DLG5: variants seen among roughly 807,000 people sequenced by gnomAD.
The protein encoded by DLG5 is disks large homolog 5.
Under a neutral mutation model 189.8 loss-of-function variants are expected in DLG5, and 48 were observed. That is an observed-to-expected ratio of 0.25 (90% CI 0.20 to 0.32). DLG5 has a LOEUF of 0.32. Ranked by LOEUF, DLG5 falls within the 10% of genes least tolerant of loss-of-function variation. The pLI is 1.00. For missense variants in DLG5, 2,160 were observed against 2,544.7 expected, an observed-to-expected ratio of 0.85 and a Z score of 3.25; for synonymous variants, 1,016 against 1,054.1, an observed-to-expected ratio of 0.96 and a Z score of 0.70.
intron 11 of DLG5, 142 bp downstream of exon 11, chr10:77,830,066 ATTAGCTGCT>A: frequency 1.1e-6 from 1 of 905,956 alleles, no homozygotes; most frequent in Non-Finnish European, 1.7e-6. Flanking sequence ...TCGGAGCATT[ATTAGCTGCT>A]GAGACTGCAG....
At chr10:77,806,671 C>T (rs1841487861) in intron 26 of DLG5, 87 bp downstream of exon 26, 11 of 1,494,044 alleles carry the variant, frequency 7.4e-6, no homozygotes, top group Non-Finnish European at 1.8e-6. Flanking sequence ...CAGCCCTGGC[C>T]CCAGCCCCCT....
At chr10:77,810,193 T>C (rs1444572276) in intron 23 of DLG5, among the ~76,000 whole-genome samples, 1 of 152,208 alleles carries the variant, frequency 6.6e-6, no homozygotes, top group Non-Finnish European at 1.5e-5. Flanking sequence ...CCCCTTGCCA[T>C]CAAGGCACTT....
At position 77,791,198 on chromosome 10, in the gene DLG5, A is replaced by G. The variant is rs1840628289; in HGVS notation, c.*1242T>C. The G allele has an allele frequency of 6.6e-6, 1 of 152,656 alleles. No homozygotes were observed. The highest frequency in any genetic ancestry group is 1.5e-5 in the Non-Finnish European group (1 of 68,038). 9.5% of individuals were successfully genotyped at this position (152,656 alleles called of 1,614,324 possible). A position where few individuals can be genotyped will look rare whatever the true frequency, so the allele number is the denominator to read the frequency against. On this transcript the variant is annotated 3_prime_UTR_variant, in exon 32 of 32. Transcript: ENST00000372391. ...TCAAAGATTTCTCGCTAGTAAAATGAAATGTTAGGAACAGTATTAAAATAT... is the reference window on the plus strand; with the variant it reads ...TCAAAGATTTCTCGCTAGTAAAATGGAATGTTAGGAACAGTATTAAAATAT...
chr10:77,905,929 A>G (rs1410069063), intron 1 of DLG5, among the ~76,000 whole-genome samples: 1 of 152,094 alleles, frequency 6.6e-6, no homozygotes, highest in East Asian at 1.9e-4. Flanking sequence ...TCTATTTCTT[A>G]TGTTTTCACT....
intron 5 of DLG5, among the ~76,000 whole-genome samples, chr10:77,847,898 G>A (rs1056977574): frequency 7.9e-5 from 12 of 151,972 alleles, no homozygotes; most frequent in African/African-American, 2.9e-4. Context: ...TAGAGATGGG[G>A]GTCTCACTAT....
intron 13 of DLG5, among the ~76,000 whole-genome samples, chr10:77,825,417 G>C (rs964497439): frequency 6.3e-5 from 5 of 78,950 alleles, no homozygotes; most frequent in South Asian, 4.1e-4. Context: ...CACACACACA[G>C]TACCAATGTC....
At chr10:77,918,301 T>A (rs1216252485) in intron 1 of DLG5, among the ~76,000 whole-genome samples, 1 of 151,522 alleles carries the variant, frequency 6.6e-6, no homozygotes, top group Non-Finnish European at 1.5e-5. Context: ...TAGTCCCAGC[T>A]ACTTGGGAGG....
At chr10:77,935,810 G>C in the DLG5 span, among the ~76,000 whole-genome samples, 1 of 152,174 alleles carries the variant, frequency 6.6e-6, no homozygotes, top group African/African-American at 2.4e-5. Context: ...TGTGAGCAGA[G>C]GAGCAGTTGT....
rs150701193 is a variant in DLG5 at position 77,800,990 on chromosome 10, G to A, written c.5165-4396C>T. 6.6e-3 allele frequency among the ~76,000 whole-genome samples: 1,005 copies of A among 152,308 alleles called. 6 individuals are homozygous for A. The highest frequency in any genetic ancestry group is 0.011 in the Non-Finnish European group (722 of 68,030). The stretch of plus-strand genomic sequence containing the variant: ...CTGTGGCTGGATCAAAGTGATCTGC[G>A]AGCAGCGGCTATCTCCAGAGCAGAG... On this transcript the variant is annotated intron_variant, in intron 27 of 31. Transcript: ENST00000372391.
intron 29 of DLG5, 78 bp downstream of exon 29, chr10:77,795,983 T>A (rs1226863125): frequency 1.3e-6 from 2 of 1,599,418 alleles, no homozygotes; most frequent in Admixed American, 3.3e-5. Context: ...GGGCAGAGGA[T>A]CACGGACCAG....
chr10:77,829,617 G>T, intron 11 of DLG5, 87 bp from the exon 12 acceptor site: 1 of 1,451,684 alleles, frequency 6.9e-7, no homozygotes. Flanking sequence ...GGGGCTGACT[G>T]CCAAGGAGTG....
intron 1 of DLG5, among the ~76,000 whole-genome samples, chr10:77,917,147 C>A (rs1846382978): frequency 6.6e-6 from 1 of 151,714 alleles, no homozygotes; most frequent in Admixed American, 6.6e-5. Flanking sequence ...CCAGCCTGGG[C>A]AACATGGCAA....
At chr10:77,849,123 C>A (rs1015735760) in intron 5 of DLG5, among the ~76,000 whole-genome samples, 1 of 152,206 alleles carries the variant, frequency 6.6e-6, no homozygotes, top group Non-Finnish European at 1.5e-5. Flanking sequence ...GTGTGCTGCT[C>A]TCAACCATGG....
Position 77,793,990 on chromosome 10 carries a change from A to G in DLG5, c.5656+18T>C, listed in dbSNP as rs1397163199. ...TTCCCTGCTGCCTGCTCCCCACTCC[A>G]GGCCCACGCACACCTACCTGTGAAG... On this transcript the variant is annotated intron_variant, in intron 31 of 31. Coordinates refer to ENST00000372391, the MANE Select transcript of DLG5 (RefSeq NM_004747.4). 2.5e-6 allele frequency: 4 copies of G among 1,607,496 alleles called. No individual in the cohort carries two copies. The highest frequency in any genetic ancestry group is 3.4e-6 in the Non-Finnish European group (4 of 1,174,306).
At position 77,807,851 on chromosome 10, in the gene DLG5, G is replaced by A. The variant is rs1359735621; in HGVS notation, c.4741C>T (p.Arg1581Cys). The A allele has an allele frequency of 9.9e-6, 16 of 1,614,188 alleles. No homozygotes were observed. The highest frequency in any genetic ancestry group is 3.3e-5 in the Admixed American group (2 of 60,022). Residue 1581 changes from arginine to cysteine, a missense_variant, in exon 25 of 32, where the codon CGC becomes TGC. By Grantham distance (180) the Arg-to-Cys change is radical (BLOSUM62 -3). Around this residue, in one of 5 missense-constraint regions of DLG5, gnomAD observed 574 missense variants for 644.2 expected, o/e 0.89. Coordinates refer to ENST00000372391, the MANE Select transcript of DLG5 (RefSeq NM_004747.4). ...TTGGCCTTCGTGAACTCCTCAGGGC[G>A]GTACTGCACCTTCAGGCGGACGCCA... ...RDGVRLKVQYRPEEFTKAKGL... is the reference protein window; with the variant it reads ...RDGVRLKVQYCPEEFTKAKGL...
chr10:77,845,464 G>A (rs1442076115), intron 5 of DLG5: 1 of 152,200 alleles, frequency 6.6e-6, no homozygotes, highest in Non-Finnish European at 1.5e-5. Flanking sequence ...AACACAAAAA[G>A]CAAAAGAGGG....
rs1201903717 is a variant in DLG5 at position 77,796,238 on chromosome 10, C to T, written c.5309-50G>A. 3 of 1,612,980 alleles carry T rather than the reference C, an allele frequency of 1.9e-6. No individual in the cohort carries two copies. The highest frequency in any genetic ancestry group is 1.7e-5 in the Admixed American group (1 of 60,020). ...AGGGAGCCCCAGGCCCTGCTGAGCC[C>T]CAGCAGAGGGAGCAGGGGAAGAACA... On this transcript the variant is annotated intron_variant, in intron 28 of 31. Coordinates refer to ENST00000372391, the MANE Select transcript of DLG5 (RefSeq NM_004747.4). This position sits in a 1 kb window ranked among gnomAD's most constrained non-coding sequence, Gnocchi z 5.2.
At chr10:77,851,064 C>T (rs1011602446) in intron 5 of DLG5, among the ~76,000 whole-genome samples, 6 of 152,202 alleles carry the variant, frequency 3.9e-5, no homozygotes, top group East Asian at 1.9e-4. Context: ...CGGGAGAGGC[C>T]GCCTGCCCTC....
chr10:77,804,332 A>G (rs1841366632), intron 27 of DLG5, among the ~76,000 whole-genome samples: 1 of 152,270 alleles, frequency 6.6e-6, no homozygotes, highest in Non-Finnish European at 1.5e-5. Flanking sequence ...ACCCATGCTC[A>G]GCTCACAGAC....
Sources: allele counts gnomAD v4.1 joint callset (sites outside exome capture counted in the v4.1 genomes callset), GRCh38; gene constraint gnomAD v4.1.1; regional missense constraint gnomAD v4.1.1; non-coding constraint Gnocchi (gnomAD v3.1); transcripts MANE v1.5; gene names NCBI Gene and HGNC (gene_info 2026-07-23, HGNC 2026-07-21).